NFKB1: variants seen among roughly 807,000 people sequenced by gnomAD.
NFKB1 encodes the protein nuclear factor NF-kappa-B p105 subunit.
Under a neutral mutation model 105.1 loss-of-function variants are expected in NFKB1, and 9 were observed. The ratio of observed to expected loss-of-function variants is 0.09; its 90% CI spans 0.05 to 0.15. The LOEUF is 0.15. NFKB1 is among the 10% of genes least tolerant of loss of function. The pLI is 1.00. For missense variants in NFKB1, 830 were observed against 1,203.7 expected, an observed-to-expected ratio of 0.69 and a Z score of 4.59; for synonymous variants, 440 against 442.2, an observed-to-expected ratio of 1.00 and a Z score of 0.06.
intron 18 of NFKB1, 135 bp downstream of exon 18, chr4:102,607,454 C>A: frequency 8.9e-7 from 1 of 1,129,014 alleles, no homozygotes; most frequent in Non-Finnish European, 1.3e-6. Context: ...TGGAGGGCTT[C>A]AGAGTACCAC....
intron 2 of NFKB1, 52 bp downstream of exon 2, chr4:102,525,609 A>G: frequency 6.7e-7 from 1 of 1,482,168 alleles, no homozygotes; most frequent in East Asian, 2.3e-5. Flanking sequence ...TCATATTTCA[A>G]AAATATGCAA....
chr4:102,526,033 G>T (rs997243199), intron 2 of NFKB1, among the ~76,000 whole-genome samples: 1 of 152,036 alleles, frequency 6.6e-6, no homozygotes, highest in Non-Finnish European at 1.5e-5. Flanking sequence ...TTCCTCCATT[G>T]TCACGTGCGC....
chr4:102,535,434 T>G (rs1473779618), intron 4 of NFKB1, among the ~76,000 whole-genome samples: 1 of 152,166 alleles, frequency 6.6e-6, no homozygotes, highest in Non-Finnish European at 1.5e-5. Context: ...ATATAAAAGC[T>G]TATGTGAGTA....
chr4:102,519,638 T>A (rs762875885), intron 1 of NFKB1, among the ~76,000 whole-genome samples: 39 of 152,092 alleles, frequency 2.6e-4, no homozygotes, highest in Non-Finnish European at 7.4e-5. Context: ...GTAGACTAGC[T>A]CTAACCAGAA....
chr4:102,604,922 T>C (rs969962943), intron 16 of NFKB1, among the ~76,000 whole-genome samples: 1 of 151,170 alleles, frequency 6.6e-6, no homozygotes, highest in Non-Finnish European at 1.5e-5. Context: ...ATTTAAGAAC[T>C]AGAAGGTTTA....
intron 6 of NFKB1, among the ~76,000 whole-genome samples, chr4:102,572,798 A>G (rs969012333): frequency 3.3e-5 from 5 of 152,214 alleles, no homozygotes; most frequent in East Asian, 3.8e-4. Flanking sequence ...AAATCAGAAA[A>G]AAGGTGTTTA....
At chr4:102,515,811 C>A (rs1217788707) in intron 1 of NFKB1, among the ~76,000 whole-genome samples, 1 of 152,162 alleles carries the variant, frequency 6.6e-6, no homozygotes, top group Non-Finnish European at 1.5e-5. Context: ...AAATAAAAGT[C>A]TTCTGCTTAC....
intron 1 of NFKB1, among the ~76,000 whole-genome samples, chr4:102,504,256 A>C (rs2149092069): frequency 6.6e-6 from 1 of 152,304 alleles, no homozygotes; most frequent in South Asian, 2.1e-4. Context: ...CTGAGTATAG[A>C]ATTGACTGCA....
chr4:102,502,907 A>C (rs1324756530), intron 1 of NFKB1, among the ~76,000 whole-genome samples: 1 of 152,204 alleles, frequency 6.6e-6, no homozygotes, highest in Non-Finnish European at 1.5e-5. Context: ...GTGATCTTTT[A>C]GTAAATAGTA....
chr4:102,502,388 G>GCGCGCGCACA lies in NFKB1; in HGVS notation c.-8+603_-8+604insGCGCACACGC, dbSNP rs1553925897. Among the ~76,000 whole-genome samples, 19 of 96,816 alleles carry GCGCGCGCACA rather than the reference G, an allele frequency of 2.0e-4. 1 individual carries two copies. Among genetic ancestry groups the GCGCGCGCACA allele is most frequent in the Admixed American group, 7.2e-4 (8 of 11,142 alleles). 63.5% of individuals were successfully genotyped at this position (96,816 alleles called of 152,430 possible). On this transcript the variant is annotated intron_variant, in intron 1 of 23. Transcript: ENST00000226574. ...TCCCCCCCTCCGTGCGCGCGCGCGC[G>GCGCGCGCACA]CGCACACACACACACACACACACAC...
chr4:102,538,071 T>C (rs1741758852), intron 5 of NFKB1, 115 bp downstream of exon 5: 1 of 525,248 alleles, frequency 1.9e-6, no homozygotes, highest in Non-Finnish European at 3.5e-6. Flanking sequence ...GCTGAAGTGT[T>C]CACATGATTA....
At position 102,607,138 on chromosome 4, in the gene NFKB1, C is replaced by A. The variant is rs1727831305; in HGVS notation, c.1955-12C>A. The A allele has an allele frequency of 6.2e-7, 1 of 1,613,966 alleles. No homozygotes were observed. Among genetic ancestry groups the A allele is most frequent in the African/African-American group, 1.3e-5 (1 of 74,904 alleles). ...ATCCCATCCTGTGACTGTCCCTTTG[C>A]TTGGACTCTAGGTCTGAATGCCATT... On this transcript the variant is annotated splice_polypyrimidine_tract_variant and intron_variant, in intron 17 of 23. Transcript: ENST00000226574.
At chr4:102,548,734 C>T (rs1049980655) in intron 5 of NFKB1, among the ~76,000 whole-genome samples, 7 of 152,134 alleles carry the variant, frequency 4.6e-5, no homozygotes, top group African/African-American at 1.4e-4. Context: ...GCTGACAATT[C>T]ATGGCAGTTT....
intron 11 of NFKB1, among the ~76,000 whole-genome samples, chr4:102,591,091 C>T (rs1028014697): frequency 2.6e-5 from 4 of 152,084 alleles, no homozygotes; most frequent in South Asian, 2.1e-4. Flanking sequence ...ATCTCGATAA[C>T]GTAAAAGTGC....
At chr4:102,531,142 G>T (rs779096699) in intron 3 of NFKB1, among the ~76,000 whole-genome samples, 11 of 152,162 alleles carry the variant, frequency 7.2e-5, no homozygotes, top group Non-Finnish European at 1.5e-4. Flanking sequence ...TTAATGTCTT[G>T]TGAATACAAA....
intron 6 of NFKB1, among the ~76,000 whole-genome samples, chr4:102,571,552 C>G (rs1183261397): frequency 6.6e-6 from 1 of 152,152 alleles, no homozygotes; most frequent in African/African-American, 2.4e-5. Context: ...AGGCAACCTA[C>G]AGAATGGGAG....
Position 102,607,323 on chromosome 4 carries a change from A to G in NFKB1, c.2124+4A>G. ...GGCAGGCTGCCTGCTCCTGGAGGTG[A>G]AGGGCACACTTATTTGCTTTTGCAT... On this transcript the variant is annotated splice_donor_region_variant and intron_variant, in intron 18 of 23. Coordinates refer to ENST00000226574, the MANE Select transcript of NFKB1 (RefSeq NM_003998.4). The G allele has an allele frequency of 6.2e-7, 1 of 1,610,498 alleles. No homozygotes were observed. The highest frequency in any genetic ancestry group is 8.5e-7 in the Non-Finnish European group (1 of 1,177,390).
intron 11 of NFKB1, 118 bp downstream of exon 11, chr4:102,584,938 A>T (rs1598858): frequency 1.1e-6 from 1 of 934,444 alleles, no homozygotes; most frequent in African/African-American, 1.7e-5. Context: ...CTGGAGTGCA[A>T]TGGTGCAATC....
intron 11 of NFKB1, among the ~76,000 whole-genome samples, chr4:102,585,966 A>G (rs1368771326): frequency 6.6e-6 from 1 of 152,192 alleles, no homozygotes; most frequent in Non-Finnish European, 1.5e-5. Context: ...GGGCCAGGCT[A>G]AAGAGGGCTG....
Sources: allele counts gnomAD v4.1 joint callset (sites outside exome capture counted in the v4.1 genomes callset), GRCh38; gene constraint gnomAD v4.1.1; transcripts MANE v1.5; gene names NCBI Gene and HGNC (gene_info 2026-07-23, HGNC 2026-07-21).